The following RBPJ variants were observed in gnomAD, a reference collection of about 807,000 sequenced individuals.
RBPJ encodes the protein recombination signal binding protein for immunoglobulin kappa J region.
In RBPJ, 9 loss-of-function variants were observed where a neutral mutation model predicts 67.8. The ratio of observed to expected loss-of-function variants is 0.13; its 90% CI spans 0.08 to 0.23. The LOEUF is 0.23. Among genes scored for constraint, RBPJ ranks in the 10% least tolerant of loss-of-function variants. The pLI is 1.00. For missense variants in RBPJ, 305 were observed against 595.6 expected (o/e 0.51, Z 5.08); for synonymous variants, 198 against 203.3 (o/e 0.97, Z 0.22).
chr4:26,167,024 G>C (rs1716340033), intron 1 of RBPJ, among the ~76,000 whole-genome samples: 1 of 152,110 alleles, frequency 6.6e-6, no homozygotes, highest in African/African-American at 2.4e-5. Flanking sequence ...TCAGATAGTT[G>C]TAGATATGTG....
At chr4:26,289,502 G>A (rs2109285430) in intron 1 of RBPJ, among the ~76,000 whole-genome samples, 1 of 150,614 alleles carries the variant, frequency 6.6e-6, no homozygotes, top group East Asian at 2.0e-4. Flanking sequence ...TGGCAGCAGA[G>A]GTGAAAAGAG....
At chr4:26,170,542 TA>T (rs147313399) in intron 1 of RBPJ, among the ~76,000 whole-genome samples, 2,046 of 125,660 alleles carry the variant, frequency 0.016, 51 homozygotes, top group African/African-American at 0.061. Context: ...AGGCCCTGTC[TA>T]AAAAAAAAAA....
chr4:26,215,311 GAGAA>G lies in RBPJ; in HGVS notation c.-167+51711_-167+51714del, dbSNP rs1201352650. 3.9e-5 allele frequency among the ~76,000 whole-genome samples: 4 copies of G among 103,702 alleles called. 1 individual carries two copies. The highest frequency in any genetic ancestry group is 7.3e-5 in the Non-Finnish European group (4 of 54,562). 68.0% of individuals were successfully genotyped at this position (103,702 alleles called of 152,430 possible). On this transcript the variant is annotated intron_variant, in intron 1 of 4. Coordinates refer to the RBPJ transcript ENST00000512351. ...AAGAAAGAGAAAAAGAGAGAGAAAA[GAGAA>G]AGAAAGAAAGAAAAAGAGAGAGAGA...
chr4:26,324,542 A>G (rs554512396), intron 1 of RBPJ, among the ~76,000 whole-genome samples: 30 of 151,696 alleles, frequency 2.0e-4, no homozygotes, highest in Non-Finnish European at 1.6e-4. Context: ...ATTTTATTTT[A>G]TTTTTTGAGA....
chr4:26,198,612 CAG>C (rs1717870193), intron 1 of RBPJ, among the ~76,000 whole-genome samples: 1 of 152,208 alleles, frequency 6.6e-6, no homozygotes, highest in Non-Finnish European at 1.5e-5. Context: ...ATCCTAATGA[CAG>C]AGGAACTACT....
rs192444849 is a variant in RBPJ, at chr4:26,313,653, G to C, written c.-166-48793G>C. ...CCACTGCATTCCAGCCTGGGTGACA[G>C]AGTAAAACTCCGTCTCTTAAAAAAA... On this transcript the variant is annotated intron_variant, in intron 1 of 4. Coordinates refer to the RBPJ transcript ENST00000512351. 2.2e-4 allele frequency among the ~76,000 whole-genome samples: 33 copies of C among 151,442 alleles called. No individual in the cohort carries two copies. The East Asian group carries it at 6.2e-3, about 29-fold the overall frequency.
rs1412092341 is a variant in RBPJ, at chr4:26,244,472, T to TGCATATGTGTGC, written c.-167+80858_-167+80859insGCATATGTGTGC. Among the ~76,000 whole-genome samples, 2 of 144,930 alleles carry TGCATATGTGTGC rather than the reference T, an allele frequency of 1.4e-5. 1 individual carries two copies. Among genetic ancestry groups the TGCATATGTGTGC allele is most frequent in the African/African-American group, 5.1e-5 (2 of 38,902 alleles). On this transcript the variant is annotated intron_variant, in intron 1 of 4. Coordinates refer to the RBPJ transcript ENST00000512351. ...ATACATATATGTGTGTATATATGTA[T>TGCATATGTGTGC]ACATATGTGTGTATACATATATGTG...
chr4:26,149,321 G>A, the RBPJ span, among the ~76,000 whole-genome samples: 1 of 152,182 alleles, frequency 6.6e-6, no homozygotes, highest in Non-Finnish European at 1.5e-5. Flanking sequence ...CAAGTGGAGG[G>A]CAATTTATTA....
At chr4:26,269,242 AT>A (rs1166080111) in intron 1 of RBPJ, among the ~76,000 whole-genome samples, 15 of 138,520 alleles carry the variant, frequency 1.1e-4, no homozygotes, top group African/African-American at 4.3e-4. Flanking sequence ...ATTTTTTATT[AT>A]TTATTTATTT....
chr4:26,365,596 ATATC>A (rs1560297273), intron 1 of RBPJ, among the ~76,000 whole-genome samples: 5 of 152,242 alleles, frequency 3.3e-5, no homozygotes, highest in African/African-American at 1.2e-4. Flanking sequence ...GAAATAAAAT[ATATC>A]CACATTTATG....
chr4:26,185,287 T>C (rs1717200556), intron 1 of RBPJ, among the ~76,000 whole-genome samples: 1 of 152,182 alleles, frequency 6.6e-6, no homozygotes, highest in Non-Finnish European at 1.5e-5. Context: ...CTCTAAGTTC[T>C]TGCTATCTCT....
At chr4:26,308,498 TA>T in intron 1 of RBPJ, among the ~76,000 whole-genome samples, 1 of 152,214 alleles carries the variant, frequency 6.6e-6, no homozygotes, top group East Asian at 1.9e-4. Flanking sequence ...AATAACATTT[TA>T]AAAAATTAAT....
At chr4:26,401,512 T>G (rs1732795981) in intron 2 of RBPJ, among the ~76,000 whole-genome samples, 1 of 152,248 alleles carries the variant, frequency 6.6e-6, no homozygotes, top group Non-Finnish European at 1.5e-5. Context: ...ATGATTATAA[T>G]TAAAATCTTT....
chr4:26,232,563 A>T (rs1719326123), intron 1 of RBPJ, among the ~76,000 whole-genome samples: 1 of 152,184 alleles, frequency 6.6e-6, no homozygotes. Flanking sequence ...TTTCTCTCCC[A>T]TCTAAATGCA....
chr4:26,231,369 T>C (rs1408843193), intron 1 of RBPJ, among the ~76,000 whole-genome samples: 2 of 152,150 alleles, frequency 1.3e-5, no homozygotes, highest in Non-Finnish European at 2.9e-5. Flanking sequence ...CAAAAGGAGA[T>C]GTACCTAATA....
chr4:26,364,625 CTTTTTTTT>C (rs932946481), intron 1 of RBPJ, among the ~76,000 whole-genome samples: 1 of 105,516 alleles, frequency 9.5e-6, no homozygotes, highest in African/African-American at 3.5e-5. Context: ...TTTTCATTTT[CTTTTTTTT>C]TTTTTTTTCT....
At chr4:26,355,591 C>T (rs1388682001) in intron 1 of RBPJ, among the ~76,000 whole-genome samples, 1 of 151,992 alleles carries the variant, frequency 6.6e-6, no homozygotes, top group African/African-American at 2.4e-5. Flanking sequence ...GGGCTATGAT[C>T]TGTGCTACTG....
At chr4:26,351,765 A>G (rs1726827908) in intron 1 of RBPJ, among the ~76,000 whole-genome samples, 1 of 152,172 alleles carries the variant, frequency 6.6e-6, no homozygotes, top group South Asian at 2.1e-4. Flanking sequence ...TTTCTCTACA[A>G]CTATGTATAT....
intron 1 of RBPJ, among the ~76,000 whole-genome samples, chr4:26,337,317 A>G (rs1724954492): frequency 6.6e-6 from 1 of 152,170 alleles, no homozygotes. Context: ...TATTGAATGC[A>G]TGTAAATGCG....
Sources: gnomAD v4.1 joint callset for allele counts (sites outside exome capture counted in the v4.1 genomes callset) on GRCh38, gnomAD v4.1.1 for gene constraint, MANE v1.5 for transcripts, NCBI Gene and HGNC (gene_info 2026-07-23, HGNC 2026-07-21) for gene names.